CASP4: variants seen among roughly 807,000 people sequenced by gnomAD.
CASP4 encodes caspase-4.
CASP4 carries 29 observed loss-of-function variants against 41.3 expected under a neutral mutation model. The ratio of observed to expected loss-of-function variants is 0.70; its 90% CI spans 0.52 to 0.96. The LOEUF (loss-of-function observed/expected upper bound fraction) is 0.96, where lower values mean the gene tolerates loss of function less well. CASP4 is among the 40% of genes least tolerant of loss of function. The pLI, the probability that CASP4 is intolerant of heterozygous loss-of-function variation, is 0.00. For synonymous variants in CASP4, 185 were observed against 158.4 expected (o/e 1.17, Z -1.26); for missense variants, 447 against 460.6 (o/e 0.97, Z 0.27).
Position 104,968,545 on chromosome 11 carries a change from T to G in CASP4, c.-20A>C. The G allele has an allele frequency of 6.2e-7, 1 of 1,613,072 alleles. No individual in the cohort carries two copies. The highest frequency in any genetic ancestry group is 1.1e-5 in the South Asian group (1 of 91,060). ...TGCCATAGGGAACAGCCTCTGTCCT[T>G]TTTTACAGCGTTGGAAAGAGCCTCA... On this transcript the variant is annotated 5_prime_UTR_variant, in exon 1 of 9. Transcript: ENST00000444739.
intron 4 of CASP4, 136 bp from the exon 5 acceptor site, chr11:104,949,913 G>T (rs779969872): frequency 1.3e-6 from 1 of 765,010 alleles, no homozygotes; most frequent in Non-Finnish European, 2.1e-6. Context: ...ACTCAGTCAT[G>T]ACAGCTGTTT....
chr11:104,945,252 CTTTTTTT>C (rs150869769), intron 7 of CASP4, among the ~76,000 whole-genome samples: 3 of 142,418 alleles, frequency 2.1e-5, no homozygotes, highest in Non-Finnish European at 4.6e-5. Flanking sequence ...TCTTATCTTT[CTTTTTTT>C]TTTTTTTTTT....
At chr11:104,954,087 T>G (rs957477091) in intron 2 of CASP4, among the ~76,000 whole-genome samples, 15 of 152,188 alleles carry the variant, frequency 9.9e-5, no homozygotes, top group South Asian at 2.1e-4. Context: ...ACCAGTTGCA[T>G]TCTGGTGGGA....
chr11:104,949,537 A>G lies in CASP4; in HGVS notation c.781+6T>C. On this transcript the variant is annotated splice_donor_region_variant and intron_variant, in intron 5 of 8. Coordinates refer to ENST00000444739, the MANE Select transcript of CASP4 (RefSeq NM_001225.4). ...TAACTGTTAGATGTTCAGTCTCAGC[A>G]CTCACCACCTCTGCAGGCCTGGACA... is the stretch of plus-strand genomic sequence containing the variant. The G allele has an allele frequency of 6.2e-7, 1 of 1,613,560 alleles. No homozygotes were observed. The highest frequency in any genetic ancestry group is 1.1e-5 in the South Asian group (1 of 91,082).
intron 1 of CASP4, among the ~76,000 whole-genome samples, chr11:104,957,259 CAATA>C (rs1393759351): frequency 6.6e-6 from 1 of 152,026 alleles, no homozygotes; most frequent in African/African-American, 2.4e-5. Context: ...TTCTGTATAA[CAATA>C]AACCATCTTT....
chr11:104,962,269 C>T (rs543283713), intron 1 of CASP4, among the ~76,000 whole-genome samples: 23 of 151,932 alleles, frequency 1.5e-4, no homozygotes, highest in Non-Finnish European at 2.9e-4. Flanking sequence ...AGAAAAGGCA[C>T]CCAGAAATCT....
At chr11:104,960,399 T>C (rs929989938) in intron 1 of CASP4, among the ~76,000 whole-genome samples, 3 of 152,194 alleles carry the variant, frequency 2.0e-5, no homozygotes, top group Non-Finnish European at 4.4e-5. Context: ...GGAGACAGCA[T>C]CAGAGATATA....
At chr11:104,968,379 C>A in intron 1 of CASP4, 140 bp downstream of exon 1, 1 of 755,224 alleles carries the variant, frequency 1.3e-6, no homozygotes, top group South Asian at 1.7e-5. Flanking sequence ...TCCCATGATT[C>A]AAACTACACA....
At chr11:104,963,132 T>G (rs1860899366) in intron 1 of CASP4, among the ~76,000 whole-genome samples, 1 of 152,246 alleles carries the variant, frequency 6.6e-6, no homozygotes, top group Non-Finnish European at 1.5e-5. Context: ...AAAGTCAGCT[T>G]AATTAAAAGT....
intron 1 of CASP4, chr11:104,956,720 A>G: frequency 1.3e-6 from 1 of 790,920 alleles, no homozygotes; most frequent in Non-Finnish European, 1.5e-6. Flanking sequence ...CAAAAATGTT[A>G]GTCTTGCAAC....
At chr11:104,959,669 AT>A (rs992498724) in intron 1 of CASP4, among the ~76,000 whole-genome samples, 33 of 152,262 alleles carry the variant, frequency 2.2e-4, no homozygotes, top group African/African-American at 7.7e-4. Flanking sequence ...TGAACTGTTC[AT>A]TTTTTCATTT....
At chr11:104,952,793 G>A (rs1473589650) in intron 2 of CASP4, among the ~76,000 whole-genome samples, 1 of 152,196 alleles carries the variant, frequency 6.6e-6, no homozygotes, top group Non-Finnish European at 1.5e-5. Context: ...AAGCCAGCCA[G>A]TCTGAGCTCT....
intron 4 of CASP4, 32 bp downstream of exon 4, chr11:104,950,893 G>A: frequency 6.3e-7 from 1 of 1,599,818 alleles, no homozygotes; most frequent in Non-Finnish European, 8.5e-7. Flanking sequence ...TCTTGAATAT[G>A]TATGTGTTTG....
At chr11:104,950,897 G>A in intron 4 of CASP4, 28 bp downstream of exon 4, 2 of 1,603,488 alleles carry the variant, frequency 1.2e-6, no homozygotes, top group Non-Finnish European at 1.7e-6. Flanking sequence ...GAATATGTAT[G>A]TGTTTGTGGC....
intron 7 of CASP4, 37 bp downstream of exon 7, chr11:104,947,046 G>T: frequency 7.2e-7 from 1 of 1,382,188 alleles, no homozygotes; most frequent in Non-Finnish European, 1.0e-6. Flanking sequence ...AATTCTTCCT[G>T]AAGAAATAAA....
chr11:104,947,679 A>G (rs1860497917), intron 6 of CASP4: 1 of 152,376 alleles, frequency 6.6e-6, no homozygotes, highest in African/African-American at 2.4e-5. Flanking sequence ...AGATGAACAC[A>G]TGACAAGTTT....
intron 2 of CASP4, among the ~76,000 whole-genome samples, chr11:104,953,588 A>G (rs1482938708): frequency 6.6e-6 from 1 of 152,150 alleles, no homozygotes; most frequent in Non-Finnish European, 1.5e-5. Context: ...TCATACTATC[A>G]TGTGCTCCCT....
intron 3 of CASP4, chr11:104,951,338 CT>C: frequency 2.8e-6 from 1 of 355,562 alleles, no homozygotes; most frequent in Non-Finnish European, 5.1e-6. Flanking sequence ...CCCTTTTCTT[CT>C]TCACCTACTC....
At chr11:104,961,025 A>G (rs2134655365) in intron 1 of CASP4, among the ~76,000 whole-genome samples, 1 of 152,362 alleles carries the variant, frequency 6.6e-6, no homozygotes, top group Middle Eastern at 3.4e-3. Flanking sequence ...TTGCAAAATT[A>G]TAACTGAGGA....
Sources: allele counts gnomAD v4.1 joint callset (sites outside exome capture counted in the v4.1 genomes callset), GRCh38; gene constraint gnomAD v4.1.1; transcripts MANE v1.5; gene names NCBI Gene and HGNC (gene_info 2026-07-23, HGNC 2026-07-21).